DNAH11: variants seen among roughly 807,000 people sequenced by gnomAD.
DNAH11 encodes the protein dynein axonemal heavy chain 11.
Under a neutral mutation model 526.0 loss-of-function variants are expected in DNAH11, and 442 were observed. The ratio of observed to expected loss-of-function variants is 0.84; its 90% CI spans 0.78 to 0.91. DNAH11 has a LOEUF of 0.91. DNAH11 is among the 40% of genes least tolerant of loss of function. DNAH11 has a pLI of 0.00. For synonymous variants in DNAH11, 2,461 were observed against 1,935.9 expected, an observed-to-expected ratio of 1.27 and a Z score of -7.12; for missense variants, 6,989 against 5,448.7, an observed-to-expected ratio of 1.28 and a Z score of -8.90.
At chr7:21,578,174 G>T (rs1489448455) in intron 8 of DNAH11, among the ~76,000 whole-genome samples, 2 of 152,114 alleles carry the variant, frequency 1.3e-5, no homozygotes, top group Non-Finnish European at 2.9e-5. Context: ...GAACAACAAA[G>T]AGTAAATTCA....
chr7:21,761,508 G>A (rs554975187), intron 54 of DNAH11, among the ~76,000 whole-genome samples: 9 of 152,236 alleles, frequency 5.9e-5, no homozygotes, highest in Admixed American at 2.6e-4. Context: ...TTTAAGTATT[G>A]CTGTAGACAA....
intron 49 of DNAH11, among the ~76,000 whole-genome samples, chr7:21,744,006 A>T (rs184526942): frequency 0.017 from 2,526 of 152,280 alleles, 31 homozygotes; most frequent in Non-Finnish European, 0.025. Context: ...ATGAAGTATG[A>T]GTCTGGGCAC....
In DNAH11 at chr7:21,551,551, G is replaced by A. The variant is rs115807342; in HGVS notation, c.495+6402G>A. ...TCTTCTTGGGCTTTAAGGAGCTTTA[G>A]GGCCTGGTTAAGACCATATAATTCA... On this transcript the variant is annotated intron_variant, in intron 2 of 81. Transcript: ENST00000409508. Among the ~76,000 whole-genome samples, 1,328 of 152,272 alleles carry A rather than the reference G, an allele frequency of 8.7e-3. 20 individuals are homozygous for A. The highest frequency in any genetic ancestry group is 0.029 in the African/African-American group (1,213 of 41,550).
chr7:21,778,033 T>G (rs1000709217), intron 56 of DNAH11, among the ~76,000 whole-genome samples: 12 of 152,310 alleles, frequency 7.9e-5, no homozygotes, highest in African/African-American at 2.9e-4. Flanking sequence ...AGTGGAGAGA[T>G]AATTATTGTG....
chr7:21,893,397 G>A (rs1167974597), intron 77 of DNAH11, among the ~76,000 whole-genome samples: 2 of 152,166 alleles, frequency 1.3e-5, no homozygotes, highest in African/African-American at 2.4e-5. Flanking sequence ...CAATTGAGGA[G>A]TAATATTGAG....
chr7:21,647,526 T>C (rs1583560431), intron 28 of DNAH11, among the ~76,000 whole-genome samples: 1 of 150,226 alleles, frequency 6.7e-6, no homozygotes. Flanking sequence ...GCCTCCCAGG[T>C]TCACGCCATT....
chr7:21,610,451 C>T (rs1325673843), intron 20 of DNAH11, among the ~76,000 whole-genome samples: 1 of 152,158 alleles, frequency 6.6e-6, no homozygotes, highest in African/African-American at 2.4e-5. Context: ...AAAGCACTCT[C>T]ATTCAGTCTC....
intron 39 of DNAH11, among the ~76,000 whole-genome samples, 154 bp downstream of exon 39, chr7:21,705,691 T>A (rs1784236813): frequency 6.6e-6 from 1 of 152,162 alleles, no homozygotes; most frequent in Admixed American, 6.5e-5. Flanking sequence ...TGCTGCTTGA[T>A]CAATTGACAT....
At chr7:21,662,525 C>A (rs900021058) in intron 30 of DNAH11, among the ~76,000 whole-genome samples, 4 of 151,952 alleles carry the variant, frequency 2.6e-5, no homozygotes, top group African/African-American at 9.7e-5. Flanking sequence ...TTTATGTGTA[C>A]ACATGATGTT....
chr7:21,577,638 G>A (rs1309634892), intron 8 of DNAH11, among the ~76,000 whole-genome samples: 3 of 152,126 alleles, frequency 2.0e-5, no homozygotes, highest in African/African-American at 4.8e-5. Context: ...AAGGAGCCCC[G>A]CCCACCCTTG....
chr7:21,826,872 AGTTGTT>A lies in DNAH11; in HGVS notation c.10691+8549_10691+8554del, dbSNP rs368614944. Among the ~76,000 whole-genome samples the A allele has an allele frequency of 7.3e-5, 11 of 151,706 alleles. No individual in the cohort carries two copies. The East Asian group carries it at 1.4e-3, about 19-fold the overall frequency. The stretch of plus-strand genomic sequence containing the variant: ...TATTCTAGTTCTATTTGTTTGGGGG[AGTTGTT>A]GTTGTTGTTGTTGTTTAACCAGTAT... On this transcript the variant is annotated intron_variant, in intron 65 of 81. Coordinates refer to ENST00000409508, the MANE Select transcript of DNAH11 (RefSeq NM_001277115.2).
intron 55 of DNAH11, among the ~76,000 whole-genome samples, chr7:21,772,193 G>A (rs1222511764): frequency 1.3e-5 from 2 of 152,182 alleles, no homozygotes; most frequent in Non-Finnish European, 2.9e-5. Context: ...ATTGAGACAA[G>A]TTGTCTCAGG....
At chr7:21,755,868 G>A (rs1470504615) in intron 54 of DNAH11, among the ~76,000 whole-genome samples, 1 of 152,058 alleles carries the variant, frequency 6.6e-6, no homozygotes, top group Admixed American at 6.6e-5. Flanking sequence ...TGTAGAAAAT[G>A]TCCTTTATCC....
chr7:21,588,248 G>C, intron 10 of DNAH11, 47 bp downstream of exon 10: 1 of 1,570,936 alleles, frequency 6.4e-7, no homozygotes, highest in Non-Finnish European at 8.6e-7. Flanking sequence ...CATTTAGGCG[G>C]ATAATGACCA....
At chr7:21,575,025 C>T (rs1408060317) in intron 8 of DNAH11, among the ~76,000 whole-genome samples, 1 of 151,700 alleles carries the variant, frequency 6.6e-6, no homozygotes, top group African/African-American at 2.4e-5. Context: ...CAGGAGTGTG[C>T]CACCATGCCC....
At chr7:21,604,083 T>C (rs1785193866) in intron 18 of DNAH11, among the ~76,000 whole-genome samples, 2 of 152,186 alleles carry the variant, frequency 1.3e-5, no homozygotes, top group Admixed American at 6.6e-5. Flanking sequence ...AAGTGATAGT[T>C]ACTTTCAGTT....
At chr7:21,881,701 T>C (rs1783930964) in intron 75 of DNAH11, among the ~76,000 whole-genome samples, 2 of 152,234 alleles carry the variant, frequency 1.3e-5, no homozygotes, top group Admixed American at 6.5e-5. Flanking sequence ...ATCACCCGTC[T>C]CTGTTTCTAA....
At chr7:21,861,776 G>A in intron 68 of DNAH11, 77 bp from the exon 69 acceptor site, 2 of 1,564,916 alleles carry the variant, frequency 1.3e-6, no homozygotes, top group Non-Finnish European at 1.7e-6. Flanking sequence ...ACCTTAAACT[G>A]TTGCCCTGTG....
At chr7:21,568,922 G>C (rs1783774985) in intron 6 of DNAH11, among the ~76,000 whole-genome samples, 1 of 152,164 alleles carries the variant, frequency 6.6e-6, no homozygotes, top group African/African-American at 2.4e-5. Flanking sequence ...ATTGCTGAGG[G>C]ATTCCTGGTG....
Sources: allele counts gnomAD v4.1 joint callset (sites outside exome capture counted in the v4.1 genomes callset), GRCh38; gene constraint gnomAD v4.1.1; transcripts MANE v1.5; gene names NCBI Gene and HGNC (gene_info 2026-07-23, HGNC 2026-07-21).